CSNK2A2: variants seen among roughly 807,000 people sequenced by gnomAD.
CSNK2A2 encodes casein kinase 2 alpha 2.
CSNK2A2 carries 8 observed loss-of-function variants against 54.0 expected under a neutral mutation model. The observed-to-expected ratio is 0.15, with a 90% CI of 0.09 to 0.27. The LOEUF (loss-of-function observed/expected upper bound fraction) is 0.27, where lower values mean the gene tolerates loss of function less well. CSNK2A2 is among the 10% of genes least tolerant of loss of function. CSNK2A2 has a pLI of 1.00. For missense variants in CSNK2A2, 242 were observed against 439.4 expected (o/e 0.55, Z 4.02); for synonymous variants, 141 against 153.9 (o/e 0.92, Z 0.62).
intron 4 of CSNK2A2, among the ~76,000 whole-genome samples, chr16:58,175,431 G>C (rs563276230): frequency 1.3e-5 from 2 of 152,258 alleles, no homozygotes; most frequent in East Asian, 1.9e-4. Flanking sequence ...TATTGAAAGA[G>C]AGACTCAAGC....
intron 4 of CSNK2A2, among the ~76,000 whole-genome samples, chr16:58,183,228 T>C (rs977993098): frequency 3.5e-5 from 5 of 142,708 alleles, no homozygotes; most frequent in African/African-American, 5.3e-5. Flanking sequence ...AAAAAAAAAA[T>C]TAGCTGGGGG....
intron 10 of CSNK2A2, among the ~76,000 whole-genome samples, chr16:58,165,251 T>C (rs1396990186): frequency 6.6e-6 from 1 of 152,262 alleles, no homozygotes; most frequent in Non-Finnish European, 1.5e-5. Context: ...TTCAATTAGG[T>C]TTCCACACAA....
chr16:58,179,951 C>T (rs531308118), intron 4 of CSNK2A2, among the ~76,000 whole-genome samples: 136 of 151,940 alleles, frequency 9.0e-4, no homozygotes, highest in African/African-American at 3.0e-3. Context: ...TGGTGGCACA[C>T]GCCTGTAATC....
intron 2 of CSNK2A2, among the ~76,000 whole-genome samples, chr16:58,195,165 AT>A (rs1388485721): frequency 6.9e-6 from 1 of 145,228 alleles, no homozygotes; most frequent in African/African-American, 2.5e-5. Context: ...TTCTAAGGTA[AT>A]TTTCCTGTGA....
In CSNK2A2 at chr16:58,197,132, G is replaced by A; in HGVS notation, c.105-288C>T. ...AAGCACCCGTCCTGAAGGCCTAGAG[G>A]GTGCCCCCTGTGCCCCGCGGCTCCC... On this transcript the variant is annotated intron_variant, in intron 1 of 11. Transcript: ENST00000262506. This position sits in a 1 kb window ranked among gnomAD's most constrained non-coding sequence, Gnocchi z 4.0. 2 of 397,564 alleles carry A rather than the reference G, an allele frequency of 5.0e-6. No homozygotes were observed. Among genetic ancestry groups the A allele is most frequent in the South Asian group, 6.1e-5 (2 of 33,052 alleles). 24.6% of individuals were successfully genotyped at this position (397,564 alleles called of 1,614,324 possible). A position where few individuals can be genotyped will look rare whatever the true frequency, so the allele number is the denominator to read the frequency against.
intron 2 of CSNK2A2, among the ~76,000 whole-genome samples, chr16:58,193,140 G>A (rs2550362): frequency 0.23 from 35,394 of 152,200 alleles, 4,654 homozygotes; most frequent in African/African-American, 0.33. Flanking sequence ...TACCACTAAT[G>A]TGTTGTTTCA....
chr16:58,184,352 T>C (rs755120433), intron 3 of CSNK2A2, 42 bp from the exon 4 acceptor site: 3 of 1,411,304 alleles, frequency 2.1e-6, no homozygotes, highest in Admixed American at 3.7e-5. Flanking sequence ...ACCCAAACAA[T>C]AATCAATGTA....
intron 11 of CSNK2A2, chr16:58,161,562 GACACACAC>G (rs796581322): frequency 4.6e-5 from 6 of 131,230 alleles, no homozygotes; most frequent in Admixed American, 1.4e-4. Context: ...CACACACACA[GACACACAC>G]ACAGACACAC....
At chr16:58,179,500 C>CAA (rs34109104) in intron 4 of CSNK2A2, among the ~76,000 whole-genome samples, 2 of 133,500 alleles carry the variant, frequency 1.5e-5, no homozygotes, top group South Asian at 2.4e-4. Context: ...GGCTCTGTCT[C>CAA]AAAAAAAAAA....
rs771797597 is a variant in CSNK2A2, at chr16:58,166,501, T to C, written c.827+83A>G. On this transcript the variant is annotated intron_variant, in intron 9 of 11. Coordinates refer to ENST00000262506, the MANE Select transcript of CSNK2A2 (RefSeq NM_001896.4). ...TACTTCCATTTTACTATAATCAGAATGGGAAAAGAAAGTGATTTTGGCTAA... is the reference window on the plus strand; with the variant it reads ...TACTTCCATTTTACTATAATCAGAACGGGAAAAGAAAGTGATTTTGGCTAA... 3.6e-4 allele frequency: 318 copies of C among 875,038 alleles called. 1 individual carries two copies. Among genetic ancestry groups the C allele is most frequent in the South Asian group, 6.0e-4 (41 of 68,110 alleles). The allele number at this position is 875,038 out of a possible 1,614,324, so 54.2% of individuals were successfully genotyped here.
At chr16:58,172,707 T>C (rs1373157875) in intron 5 of CSNK2A2, among the ~76,000 whole-genome samples, 1 of 152,268 alleles carries the variant, frequency 6.6e-6, no homozygotes, top group Non-Finnish European at 1.5e-5. Context: ...CTGACATGCT[T>C]TGAAATTCTT....
At chr16:58,183,478 T>C (rs1443172063) in intron 4 of CSNK2A2, among the ~76,000 whole-genome samples, 1 of 152,136 alleles carries the variant, frequency 6.6e-6, no homozygotes, top group Non-Finnish European at 1.5e-5. Context: ...GTTTTGTCTC[T>C]AGCTCCTGTC....
At chr16:58,170,051 A>G (rs938108477) in intron 5 of CSNK2A2, among the ~76,000 whole-genome samples, 1 of 152,124 alleles carries the variant, frequency 6.6e-6, no homozygotes, top group African/African-American at 2.4e-5. Context: ...AAAAAAAAAC[A>G]ATTATCATTA....
In CSNK2A2 at chr16:58,198,019, C is replaced by T. The variant is rs1962522685; in HGVS notation, c.-283G>A. The T allele has an allele frequency of 7.1e-6, 1 of 140,582 alleles. No individual in the cohort carries two copies. The highest frequency in any genetic ancestry group is 1.6e-5 in the Non-Finnish European group (1 of 63,538). 8.7% of individuals were successfully genotyped at this position (140,582 alleles called of 1,614,324 possible). ...GCGGTCTCCGCTCGGCTCGCGGCCC[C>T]CAGGAGGCGGCGGCGGCGGCACCGG... On this transcript the variant is annotated 5_prime_UTR_variant, in exon 1 of 12. Coordinates refer to ENST00000262506, the MANE Select transcript of CSNK2A2 (RefSeq NM_001896.4).
intron 2 of CSNK2A2, among the ~76,000 whole-genome samples, chr16:58,192,361 C>A (rs1443852717): frequency 6.6e-6 from 1 of 151,530 alleles, no homozygotes; most frequent in African/African-American, 2.4e-5. Flanking sequence ...CAAATAAACT[C>A]ATATATTAAA....
chr16:58,174,280 A>G (rs768966999), intron 5 of CSNK2A2, 171 bp downstream of exon 5: 5 of 529,426 alleles, frequency 9.4e-6, no homozygotes, highest in African/African-American at 2.0e-5. Context: ...GTTCCACTGG[A>G]AAGTTTCTAT....
chr16:58,197,531 G>A lies in CSNK2A2; in HGVS notation c.104+102C>T, dbSNP rs773955015. ...CTCTGCCTCCCTGCGGGCCCGCGGA[G>A]GGGTCGGCGGGAGACACCACCGGGC... On this transcript the variant is annotated intron_variant, in intron 1 of 11. Coordinates refer to ENST00000262506, the MANE Select transcript of CSNK2A2 (RefSeq NM_001896.4). The surrounding 1 kb of genome is among the most constrained non-coding windows in gnomAD (Gnocchi z 4.0). 5 of 595,154 alleles carry A rather than the reference G, an allele frequency of 8.4e-6. No homozygotes were observed. The highest frequency in any genetic ancestry group is 2.0e-5 in the African/African-American group (1 of 49,560). 36.9% of individuals were successfully genotyped at this position (595,154 alleles called of 1,614,324 possible). A position where few individuals can be genotyped will look rare whatever the true frequency, so the allele number is the denominator to read the frequency against.
In CSNK2A2 at chr16:58,180,879, C is replaced by T. The variant is rs1465247420; in HGVS notation, c.369+3381G>A. Among the ~76,000 whole-genome samples the T allele has an allele frequency of 2.6e-5, 4 of 152,210 alleles. No individual in the cohort carries two copies. In the East Asian group the frequency reaches 7.7e-4, roughly 29 times the overall value. On this transcript the variant is annotated intron_variant, in intron 4 of 11. Coordinates refer to ENST00000262506, the MANE Select transcript of CSNK2A2 (RefSeq NM_001896.4). ...TAAAAAGACAAAAAAACAAACTTTC[C>T]TAATAAGATGGACACAGGACAAAAT...
intron 11 of CSNK2A2, chr16:58,161,748 A>C (rs1961380625): frequency 6.6e-6 from 1 of 152,230 alleles, no homozygotes; most frequent in Non-Finnish European, 1.5e-5. Flanking sequence ...AGGTGCCAAG[A>C]CCAGACCCAG....
Sources: gnomAD v4.1 joint callset for allele counts (sites outside exome capture counted in the v4.1 genomes callset) on GRCh38, gnomAD v4.1.1 for gene constraint, Gnocchi (gnomAD v3.1) non-coding constraint, MANE v1.5 for transcripts, NCBI Gene and HGNC (gene_info 2026-07-23, HGNC 2026-07-21) for gene names.